SIK3: variants seen among roughly 807,000 people sequenced by gnomAD.
The protein encoded by SIK3 is SIK family kinase 3, also known as serine/threonine-protein kinase SIK3.
In SIK3, 28 loss-of-function variants were observed where a neutral mutation model predicts 144.2. The ratio of observed to expected loss-of-function variants is 0.19; its 90% CI spans 0.14 to 0.27. The LOEUF (loss-of-function observed/expected upper bound fraction) is 0.27, where lower values mean the gene tolerates loss of function less well. Ranked by LOEUF, SIK3 falls within the 10% of genes least tolerant of loss-of-function variation. The pLI is 1.00. For synonymous variants in SIK3, 686 were observed against 676.3 expected (o/e 1.01, Z -0.22); for missense variants, 1,319 against 1,776.0 (o/e 0.74, Z 4.62).
intron 1 of SIK3, among the ~76,000 whole-genome samples, chr11:117,059,936 A>C (rs961018792): frequency 6.6e-6 from 1 of 152,228 alleles, no homozygotes; most frequent in Non-Finnish European, 1.5e-5. Flanking sequence ...TTTGTAAGAC[A>C]GTTTGGCAGT....
chr11:117,033,586 G>A (rs1952359583), intron 1 of SIK3, among the ~76,000 whole-genome samples: 1 of 151,720 alleles, frequency 6.6e-6, no homozygotes, highest in Non-Finnish European at 1.5e-5. Flanking sequence ...GTGGGCGCCT[G>A]TAGTCTCAGC....
At chr11:117,090,996 G>A (rs1381417479) in intron 1 of SIK3, among the ~76,000 whole-genome samples, 1 of 152,132 alleles carries the variant, frequency 6.6e-6, no homozygotes, top group Admixed American at 6.6e-5. Context: ...TGCTCAGAAG[G>A]CAAGGGCACT....
rs1338519516 is a variant in SIK3 at position 116,844,100 on chromosome 11, C to G, written c.*1543G>C. On this transcript the variant is annotated 3_prime_UTR_variant, in exon 25 of 25. Transcript: ENST00000445177. The stretch of plus-strand genomic sequence containing the variant: ...GGAAGAGTCAGTGTATTCAAGGTCT[C>G]TCTCTTGTTTTGAAGATCAGAAGGA... 1 of 152,198 alleles carries G rather than the reference C, an allele frequency of 6.6e-6. No individual in the cohort carries two copies. Among genetic ancestry groups the G allele is most frequent in the African/African-American group, 2.4e-5 (1 of 41,448 alleles). 9.4% of individuals were successfully genotyped at this position (152,198 alleles called of 1,614,324 possible).
intron 6 of SIK3, among the ~76,000 whole-genome samples, chr11:116,893,565 T>C (rs911230239): frequency 2.0e-5 from 3 of 151,854 alleles, no homozygotes; most frequent in African/African-American, 7.3e-5. Context: ...GCTCCAGCTA[T>C]TTGGGAGGCT....
intron 3 of SIK3, among the ~76,000 whole-genome samples, chr11:116,953,019 CTT>C (rs1203250792): frequency 6.6e-6 from 1 of 152,030 alleles, no homozygotes; most frequent in Non-Finnish European, 1.5e-5. Context: ...AATGATACCT[CTT>C]TTAAAAAGGA....
At position 116,844,204 on chromosome 11, in the gene SIK3, C is replaced by T. The variant is rs1172863520; in HGVS notation, c.*1439G>A. ...ACAATGAAGAGAAATAAAGATAACA[C>T]AAATAATAGCTACTGCGTATGCACT... On this transcript the variant is annotated 3_prime_UTR_variant, in exon 25 of 25. Transcript: ENST00000445177. The T allele has an allele frequency of 6.6e-6, 1 of 152,070 alleles. No homozygotes were observed. The highest frequency in any genetic ancestry group is 2.4e-5 in the African/African-American group (1 of 41,398). 9.4% of individuals were successfully genotyped at this position (152,070 alleles called of 1,614,324 possible).
chr11:116,992,028 T>TA (rs1318034180), intron 1 of SIK3, among the ~76,000 whole-genome samples: 3 of 152,030 alleles, frequency 2.0e-5, no homozygotes, highest in African/African-American at 4.8e-5. Context: ...TAGACATACA[T>TA]ACAAAAAACT....
chr11:116,870,667 GAT>G lies in SIK3; in HGVS notation c.1738-268_1738-267del, dbSNP rs545265312. 1.6e-4 allele frequency among the ~76,000 whole-genome samples: 25 copies of G among 152,210 alleles called. No individual in the cohort carries two copies. In the East Asian group the frequency reaches 3.3e-3, roughly 20 times the overall value. On this transcript the variant is annotated intron_variant, in intron 13 of 24. Coordinates refer to ENST00000445177, the MANE Select transcript of SIK3 (RefSeq NM_001366686.3). ...AATAGCCAAATGCTTACTGTTACAG[GAT>G]AAAATGTGAATTTACAGACATAGAC...
chr11:117,053,707 C>T (rs1313791023), intron 1 of SIK3, among the ~76,000 whole-genome samples: 1 of 146,874 alleles, frequency 6.8e-6, no homozygotes, highest in Non-Finnish European at 1.5e-5. Flanking sequence ...CAGGCTGGAG[C>T]ACAATCATGG....
intron 1 of SIK3, among the ~76,000 whole-genome samples, chr11:117,040,327 T>C (rs1343388738): frequency 6.6e-6 from 1 of 152,204 alleles, no homozygotes; most frequent in Non-Finnish European, 1.5e-5. Flanking sequence ...CTAAAGCATT[T>C]AGAACTGTGC....
intron 22 of SIK3, 74 bp from the exon 23 acceptor site, chr11:116,847,682 C>T: frequency 1.3e-6 from 2 of 1,594,792 alleles, no homozygotes; most frequent in Non-Finnish European, 8.5e-7. Context: ...GACAGCTGGT[C>T]CTTCTGAAGG....
chr11:116,916,761 C>T (rs999394725), intron 4 of SIK3, among the ~76,000 whole-genome samples: 9 of 150,454 alleles, frequency 6.0e-5, no homozygotes, highest in Admixed American at 2.6e-4. Flanking sequence ...CCGCCCGCCT[C>T]GGCCTCCCAA....
At chr11:117,063,815 A>G (rs1252207309) in intron 1 of SIK3, among the ~76,000 whole-genome samples, 5 of 151,962 alleles carry the variant, frequency 3.3e-5, no homozygotes, top group Admixed American at 2.6e-4. Flanking sequence ...GATTCGCCCC[A>G]CTTCAGCTTC....
chr11:117,047,765 A>G (rs1371129739), intron 1 of SIK3, among the ~76,000 whole-genome samples: 1 of 152,188 alleles, frequency 6.6e-6, no homozygotes, highest in African/African-American at 2.4e-5. Flanking sequence ...CAACATAGTG[A>G]GACCTCATAT....
intron 1 of SIK3, among the ~76,000 whole-genome samples, chr11:116,997,101 A>T (rs1275164149): frequency 6.6e-6 from 1 of 152,200 alleles, no homozygotes; most frequent in Non-Finnish European, 1.5e-5. Context: ...AACTTGAGCA[A>T]ACAAGATTCA....
chr11:116,844,517 G>GAGGCAGGGCCCA lies in SIK3; in HGVS notation c.*1114_*1125dup, dbSNP rs1160568802. The GAGGCAGGGCCCA allele has an allele frequency of 6.8e-6, 1 of 147,452 alleles. No individual in the cohort carries two copies. Among genetic ancestry groups the GAGGCAGGGCCCA allele is most frequent in the Admixed American group, 6.9e-5 (1 of 14,434 alleles). The allele number at this position is 147,452 out of a possible 1,614,324, so 9.1% of individuals were successfully genotyped here. On this transcript the variant is annotated 3_prime_UTR_variant, in exon 25 of 25. Coordinates refer to ENST00000445177, the MANE Select transcript of SIK3 (RefSeq NM_001366686.3). ...CAGTGGGGAAGAGGAGGTTAGGAGA[G>GAGGCAGGGCCCA]AGGCAGGGCCCAAGGCAACCTCCTA...
intron 1 of SIK3, among the ~76,000 whole-genome samples, chr11:117,086,621 G>A (rs986861550): frequency 1.3e-5 from 2 of 152,100 alleles, no homozygotes; most frequent in East Asian, 1.9e-4. Flanking sequence ...AACCCAGGAG[G>A]CAGAGGTTGC....
intron 6 of SIK3, among the ~76,000 whole-genome samples, chr11:116,879,830 T>C (rs756042740): frequency 4.6e-5 from 7 of 152,258 alleles, no homozygotes; most frequent in Non-Finnish European, 7.3e-5. Flanking sequence ...TAAAATTACA[T>C]TTCCAGAGTA....
At chr11:116,930,824 C>G (rs1947564369) in intron 3 of SIK3, among the ~76,000 whole-genome samples, 1 of 150,430 alleles carries the variant, frequency 6.6e-6, no homozygotes, top group Admixed American at 6.7e-5. Flanking sequence ...TGCATAAAGT[C>G]AAGTCCATCA....
Sources: allele counts gnomAD v4.1 joint callset (sites outside exome capture counted in the v4.1 genomes callset), GRCh38; gene constraint gnomAD v4.1.1; transcripts MANE v1.5; gene names NCBI Gene and HGNC (gene_info 2026-07-23, HGNC 2026-07-21).